The following BTBD9 variants were observed in gnomAD, a reference collection of about 807,000 sequenced individuals.
The protein encoded by BTBD9 is BTB/POZ domain-containing protein 9.
Under a neutral mutation model 64.3 loss-of-function variants are expected in BTBD9, and 49 were observed. The ratio of observed to expected loss-of-function variants is 0.76; its 90% confidence interval spans 0.61 to 0.97. The LOEUF (loss-of-function observed/expected upper bound fraction) is 0.97. BTBD9 is among the 50% of genes least tolerant of loss of function. The pLI is 0.00. For synonymous variants in BTBD9, 260 were observed against 274.7 expected (o/e 0.95, Z 0.53); for missense variants, 598 against 762.1 (o/e 0.78, Z 2.53).
At chr6:38,584,685 C>T (rs1776435191) in intron 4 of BTBD9, among the ~76,000 whole-genome samples, 1 of 152,176 alleles carries the variant, frequency 6.6e-6, no homozygotes, top group Admixed American at 6.5e-5. Context: ...AATTCTGTCA[C>T]CTAAATCATT....
At chr6:38,394,448 C>A (rs2127625903) in intron 6 of BTBD9, among the ~76,000 whole-genome samples, 1 of 152,194 alleles carries the variant, frequency 6.6e-6, no homozygotes, top group Middle Eastern at 3.4e-3. Context: ...CAAGAAAGAA[C>A]AATATGTAGC....
rs1364047293 is a variant in BTBD9 at position 38,613,992 on chromosome 6, C to T, written c.-27-15871G>A. Among the ~76,000 whole-genome samples the T allele has an allele frequency of 3.3e-5, 5 of 152,204 alleles. No individual in the cohort carries two copies. In the South Asian group the frequency reaches 8.3e-4, roughly 25 times the overall value. On this transcript the variant is annotated intron_variant, in intron 1 of 10. Coordinates refer to ENST00000481247, the MANE Select transcript of BTBD9 (RefSeq NM_001099272.2). ...CGCTTACCACCATAAAAACATCCAA[C>T]TTAAGCAGACTTTGCTGGTGAGGAG...
chr6:38,633,854 T>C (rs1456525144), intron 1 of BTBD9, among the ~76,000 whole-genome samples: 4 of 152,218 alleles, frequency 2.6e-5, no homozygotes, highest in African/African-American at 9.6e-5. Context: ...TCATGGCCCC[T>C]TGAATACATA....
intron 10 of BTBD9, among the ~76,000 whole-genome samples, chr6:38,186,141 A>T (rs1025335417): frequency 3.9e-5 from 6 of 152,250 alleles, no homozygotes; most frequent in African/African-American, 1.4e-4. Flanking sequence ...GGGTCAGTCC[A>T]TCTGCCCACA....
At chr6:38,301,382 G>A (rs1169115343) in intron 7 of BTBD9, among the ~76,000 whole-genome samples, 3 of 152,328 alleles carry the variant, frequency 2.0e-5, no homozygotes, top group East Asian at 3.9e-4. Flanking sequence ...CATAAAATGA[G>A]TTAGGGAGGA....
Position 38,413,116 on chromosome 6 carries a change from TTTCCTTCC to T in BTBD9, c.1155-68031_1155-68024del, listed in dbSNP as rs1767513139. On this transcript the variant is annotated intron_variant, in intron 6 of 10. Coordinates refer to ENST00000481247, the MANE Select transcript of BTBD9 (RefSeq NM_001099272.2). ...TCCTTCCATCTCCATCCTTTCCTTC[TTTCCTTCC>T]TTCCTTCTTTTTTCTTAACTATGCC... Among the ~76,000 whole-genome samples, 5 of 152,232 alleles carry T rather than the reference TTTCCTTCC, an allele frequency of 3.3e-5. No individual in the cohort carries two copies. In the South Asian group the frequency reaches 1.0e-3, roughly 32 times the overall value.
At chr6:38,512,708 T>C (rs917589670) in intron 6 of BTBD9, among the ~76,000 whole-genome samples, 1 of 152,208 alleles carries the variant, frequency 6.6e-6, no homozygotes, top group Non-Finnish European at 1.5e-5. Context: ...ACTAACTCTC[T>C]TCATTACCTT....
chr6:38,202,804 A>G (rs1762511095), intron 9 of BTBD9, among the ~76,000 whole-genome samples: 1 of 152,224 alleles, frequency 6.6e-6, no homozygotes, highest in South Asian at 2.1e-4. Flanking sequence ...TAAAAATAAT[A>G]GAAGAAAACA....
chr6:38,411,020 C>T (rs1767402506), intron 6 of BTBD9, among the ~76,000 whole-genome samples: 1 of 152,090 alleles, frequency 6.6e-6, no homozygotes, highest in Non-Finnish European at 1.5e-5. Context: ...ACTTGAATAT[C>T]CTTACCAACT....
At chr6:38,306,591 T>G (rs1762633811) in intron 7 of BTBD9, among the ~76,000 whole-genome samples, 1 of 152,242 alleles carries the variant, frequency 6.6e-6, no homozygotes, top group South Asian at 2.1e-4. Context: ...GAAAACAATT[T>G]TACTGCTCTC....
At position 38,597,558 on chromosome 6, in the gene BTBD9, C is replaced by A. The variant is rs935778949; in HGVS notation, c.185+352G>T. Among the ~76,000 whole-genome samples the A allele has an allele frequency of 3.9e-5, 6 of 152,180 alleles. 1 individual carries two copies. Among genetic ancestry groups the A allele is most frequent in the Admixed American group, 2.6e-4 (4 of 15,270 alleles). The stretch of plus-strand genomic sequence containing the variant: ...TGTGTCCATTAGCAGGTCCACAGGG[C>A]AGTCTACCTATGCAAAAAGAAGCTT... On this transcript the variant is annotated intron_variant, in intron 2 of 10. Coordinates refer to ENST00000481247, the MANE Select transcript of BTBD9 (RefSeq NM_001099272.2).
rs1766903231 is a variant in BTBD9 at position 38,174,172 on chromosome 6, A to G, written c.*813T>C. 1 of 152,220 alleles carries G rather than the reference A, an allele frequency of 6.6e-6. No homozygotes were observed. The allele number at this position is 152,220 out of a possible 1,614,324, so 9.4% of individuals were successfully genotyped here. ...TGAATTAGCAGCGGGCATAGTAACT[A>G]TTTCCTTGTCAGCCTCCCAAGCTTA... On this transcript the variant is annotated 3_prime_UTR_variant, in exon 11 of 11. Coordinates refer to ENST00000481247, the MANE Select transcript of BTBD9 (RefSeq NM_001099272.2).
intron 6 of BTBD9, among the ~76,000 whole-genome samples, chr6:38,488,891 C>G (rs4711548): frequency 0.14 from 17,806 of 126,784 alleles, 1,390 homozygotes; most frequent in East Asian, 0.3. Flanking sequence ...TATTTCCTTG[C>G]AACTTTTTTT....
At chr6:38,376,604 T>C (rs987726240) in intron 6 of BTBD9, among the ~76,000 whole-genome samples, 1 of 152,200 alleles carries the variant, frequency 6.6e-6, no homozygotes, top group African/African-American at 2.4e-5. Flanking sequence ...CTGTGTTAAC[T>C]TTCTGATAAA....
chr6:38,191,501 C>T (rs988415322), intron 10 of BTBD9, among the ~76,000 whole-genome samples: 1 of 152,244 alleles, frequency 6.6e-6, no homozygotes, highest in Non-Finnish European at 1.5e-5. Flanking sequence ...TAATGTTGTG[C>T]TCCCTCGGGC....
intron 6 of BTBD9, among the ~76,000 whole-genome samples, chr6:38,475,641 A>T (rs917712968): frequency 1.3e-5 from 2 of 152,162 alleles, no homozygotes; most frequent in Non-Finnish European, 2.9e-5. Flanking sequence ...GGAATGTAAT[A>T]TTTGTTGACT....
At chr6:38,633,794 A>T (rs1778439127) in intron 1 of BTBD9, among the ~76,000 whole-genome samples, 1 of 150,966 alleles carries the variant, frequency 6.6e-6, no homozygotes, top group Non-Finnish European at 1.5e-5. Flanking sequence ...TTGATTGCTA[A>T]AAAAAAAATA....
chr6:38,212,531 G>C (rs1238880526), intron 9 of BTBD9, among the ~76,000 whole-genome samples: 3 of 152,072 alleles, frequency 2.0e-5, no homozygotes, highest in Non-Finnish European at 4.4e-5. Flanking sequence ...TGGGAATTTT[G>C]CTGAAATTTG....
At chr6:38,333,916 G>C (rs1469593381) in intron 7 of BTBD9, among the ~76,000 whole-genome samples, 1 of 152,140 alleles carries the variant, frequency 6.6e-6, no homozygotes, top group Non-Finnish European at 1.5e-5. Flanking sequence ...GGAGGGCTCA[G>C]AAGAAGACAG....
Sources: allele counts gnomAD v4.1 joint callset (sites outside exome capture counted in the v4.1 genomes callset), GRCh38; gene constraint gnomAD v4.1.1; transcripts MANE v1.5; gene names NCBI Gene and HGNC (gene_info 2026-07-23, HGNC 2026-07-21).